The following TMEM184C variants were observed in gnomAD, a reference collection of about 807,000 sequenced individuals.
TMEM184C encodes the protein transmembrane protein 34.
TMEM184C carries 25 observed loss-of-function variants against 54.5 expected under a neutral mutation model. The ratio of observed to expected loss-of-function variants is 0.46; its 90% CI spans 0.33 to 0.64. The LOEUF is 0.64. Ranked by LOEUF, TMEM184C falls within the 30% of genes least tolerant of loss-of-function variation. The probability of loss-of-function intolerance (pLI) is 0.02; values close to 1 mark genes in which losing one functional copy is unlikely to be tolerated. For missense variants in TMEM184C, 335 were observed against 520.3 expected, an observed-to-expected ratio of 0.64 and a Z score of 3.46; for synonymous variants, 148 against 181.5, an observed-to-expected ratio of 0.82 and a Z score of 1.49.
At chr4:147,623,783 CTTTTG>C (rs746580064) in intron 1 of TMEM184C, 46 bp from the exon 2 acceptor site, 48 of 1,588,974 alleles carry the variant, frequency 3.0e-5, no homozygotes, top group Non-Finnish European at 3.8e-5. Context: ...TGGCCAAGCT[CTTTTG>C]TTTTAATATC....
rs924480191 is a variant in TMEM184C at position 147,624,862 on chromosome 4, A to G, written c.350A>G (p.Tyr117Cys). 6.2e-7 allele frequency: 1 copy of G among 1,613,908 alleles called. No individual in the cohort carries two copies. Among genetic ancestry groups the G allele is most frequent in the Non-Finnish European group, 8.5e-7 (1 of 1,179,870 alleles). ...TATGTGGATACCTGCAGAGAATGCT[A>G]TGAAGCTTATGTAATTTACAACTTT... is the stretch of plus-strand genomic sequence containing the variant. ...AIYVDTCREC[Y>C]EAYVIYNFMG... Residue 117 changes from tyrosine (Y) to cysteine (C), a missense_variant, in exon 4 of 10, where the codon TAT becomes TGT. Coordinates refer to ENST00000296582, the MANE Select transcript of TMEM184C (RefSeq NM_018241.3).
chr4:147,633,861 T>C lies in TMEM184C; in HGVS notation c.976T>C (p.Cys326Arg), dbSNP rs138365363. Reference sequence around the variant, plus strand: ...TGTCCAAGAAGCAGAAGAGGGCTCATGCTTTGATTCCTTTCTTGCCATGTG... The same window carrying C: ...TGTCCAAGAAGCAGAAGAGGGCTCACGCTTTGATTCCTTTCTTGCCATGTG... ...PYVQEAEEGS[C>R]FDSFLAMWDV... is the part of the protein sequence containing the mutation. The change falls in exon 9 of 10, where the codon TGC (cysteine) becomes CGC (arginine). Residue 326 changes from cysteine (C) to arginine (R), a missense_variant. By Grantham distance (180) the Cys-to-Arg change is radical. Transcript: ENST00000296582. 1.2e-6 allele frequency: 2 copies of C among 1,614,000 alleles called. No individual in the cohort carries two copies. The highest frequency in any genetic ancestry group is 1.7e-6 in the Non-Finnish European group (2 of 1,179,990).
chr4:147,623,018 C>G (rs1732740420), intron 1 of TMEM184C, among the ~76,000 whole-genome samples: 1 of 152,206 alleles, frequency 6.6e-6, no homozygotes, highest in African/African-American at 2.4e-5. Flanking sequence ...AGCCACCTCA[C>G]TCAGCCCTTT....
chr4:147,625,058 CAG>C, intron 4 of TMEM184C, 49 bp downstream of exon 4: 1 of 1,587,722 alleles, frequency 6.3e-7, no homozygotes, highest in Non-Finnish European at 8.6e-7. Context: ...TTCATTTAAG[CAG>C]AGTTTTTAAG....
intron 1 of TMEM184C, among the ~76,000 whole-genome samples, chr4:147,622,803 C>CCAGGGTGGAGTACGGTGGCACAAAT (rs1212076722): frequency 6.6e-6 from 1 of 152,042 alleles, no homozygotes; most frequent in Non-Finnish European, 1.5e-5. Context: ...ACTCTGTTGC[C>CCAGGGTGGAGTACGGTGGCACAAAT]CAGGGTGGAG....
At chr4:147,625,434 T>C (rs577462185) in intron 4 of TMEM184C, among the ~76,000 whole-genome samples, 2 of 152,218 alleles carry the variant, frequency 1.3e-5, no homozygotes, top group Non-Finnish European at 2.9e-5. Context: ...TCAGCTTGCC[T>C]TATTATATGT....
rs1487467373 is a variant in TMEM184C at position 147,634,455 on chromosome 4, G to C, written c.*21G>C. 6.2e-7 allele frequency: 1 copy of C among 1,609,032 alleles called. No homozygotes were observed. The highest frequency in any genetic ancestry group is 2.2e-5 in the East Asian group (1 of 44,822). On this transcript the variant is annotated 3_prime_UTR_variant, in exon 10 of 10. Transcript: ENST00000296582. ...CCTGAACAGTATGGAAAAGCAAACT[G>C]TGCAACTACTACATTATATCATTAC... is the stretch of plus-strand genomic sequence containing the variant.
rs553174681 is a variant in TMEM184C at position 147,623,729 on chromosome 4, C to T, written c.124-105C>T. The T allele has an allele frequency of 2.3e-5, 25 of 1,088,184 alleles. 1 individual carries two copies. In the South Asian group the frequency reaches 2.3e-4, roughly 10 times the overall value. 67.4% of individuals were successfully genotyped at this position (1,088,184 alleles called of 1,614,324 possible). On this transcript the variant is annotated intron_variant, in intron 1 of 9. Transcript: ENST00000296582. Reference sequence around the variant, plus strand: ...CTGGCCTCAAGCGATCCTCCCACCTCGGCCTCCCCAAGTGCTAGGATTATA... The same window carrying T: ...CTGGCCTCAAGCGATCCTCCCACCTTGGCCTCCCCAAGTGCTAGGATTATA...
chr4:147,623,037 TC>T (rs1253342817), intron 1 of TMEM184C, among the ~76,000 whole-genome samples: 2 of 152,216 alleles, frequency 1.3e-5, no homozygotes, highest in Admixed American at 1.3e-4. Flanking sequence ...TTTCAAGCTT[TC>T]TATACATTTT....
Position 147,633,002 on chromosome 4 carries a change from GGTAAGTA to G in TMEM184C, c.879+3_879+9del. ...TAGAAGCTGTGGCCACCGGACTCCA[GGTAAGTA>G]GTGCCATCTCTGAATTCAATAGAAC... On this transcript the variant is annotated splice_donor_variant and splice_donor_5th_base_variant and intron_variant, in intron 8 of 9. Coordinates refer to ENST00000296582, the MANE Select transcript of TMEM184C (RefSeq NM_018241.3). LOFTEE classifies it high-confidence loss of function. 6.2e-7 allele frequency: 1 copy of G among 1,612,224 alleles called. No individual in the cohort carries two copies. Among genetic ancestry groups the G allele is most frequent in the Non-Finnish European group, 8.5e-7 (1 of 1,178,732 alleles).
rs544887206 is a variant in TMEM184C, at chr4:147,634,591, G to A, written c.*157G>A. 5.7e-5 allele frequency: 44 copies of A among 767,646 alleles called. 1 individual carries two copies. The highest frequency in any genetic ancestry group is 3.9e-4 in the Middle Eastern group (1 of 2,582). The allele number at this position is 767,646 out of a possible 1,614,324, so 47.6% of individuals were successfully genotyped here. A position where few individuals can be genotyped will look rare whatever the true frequency, so the allele number is the denominator to read the frequency against. On this transcript the variant is annotated 3_prime_UTR_variant, in exon 10 of 10. Coordinates refer to ENST00000296582, the MANE Select transcript of TMEM184C (RefSeq NM_018241.3). ...TACTGCATTTATATATGTAAGTTTT[G>A]TATATCAAAAATAATTGGTCTAAAT...
intron 9 of TMEM184C, 55 bp from the exon 10 acceptor site, chr4:147,634,114 G>T (rs150014594): frequency 1.3e-6 from 2 of 1,561,154 alleles, no homozygotes; most frequent in Non-Finnish European, 1.7e-6. Flanking sequence ...TTTTAGAATG[G>T]TAAGTTTATA....
At position 147,623,870 on chromosome 4, in the gene TMEM184C, A is replaced by T; in HGVS notation, c.160A>T (p.Ile54Phe). The change falls in exon 2 of 10, where the codon ATC (isoleucine) becomes TTC (phenylalanine). Residue 54 changes from isoleucine (I) to phenylalanine (F), a missense_variant. By Grantham distance (21) the Ile-to-Phe change is conservative (BLOSUM62 0). Transcript: ENST00000296582. ...CACCAAGGCTTGGTTTATTGCTGGA[A>T]TCTTTTTGCTGTTGACTATTCCTAT... ...IHTKAWFIAG[I>F]FLLLTIPISL... 1 of 1,613,978 alleles carries T rather than the reference A, an allele frequency of 6.2e-7. No individual in the cohort carries two copies. The highest frequency in any genetic ancestry group is 8.5e-7 in the Non-Finnish European group (1 of 1,179,952).
intron 7 of TMEM184C, chr4:147,632,497 T>G (rs1326536276): frequency 1.3e-5 from 2 of 158,974 alleles, no homozygotes; most frequent in Admixed American, 1.3e-4. Flanking sequence ...TTGCTTAGTA[T>G]TCTGTTATGT....
At chr4:147,624,778 T>G (rs1276570723) in intron 3 of TMEM184C, 26 bp from the exon 4 acceptor site, 4 of 1,606,568 alleles carry the variant, frequency 2.5e-6, no homozygotes, top group Non-Finnish European at 2.6e-6. Context: ...GCTGCAACTA[T>G]CTTTAACATC....
chr4:147,633,370 G>A (rs557607720), intron 8 of TMEM184C, among the ~76,000 whole-genome samples: 2 of 150,902 alleles, frequency 1.3e-5, no homozygotes, highest in Admixed American at 1.3e-4. Flanking sequence ...GCCAACGTTG[G>A]GGGATCACTG....
intron 9 of TMEM184C, 77 bp downstream of exon 9, chr4:147,634,013 C>A: frequency 6.5e-7 from 1 of 1,539,168 alleles, no homozygotes; most frequent in South Asian, 1.3e-5. Context: ...AATTTATTAT[C>A]TATTTAGAGA....
At chr4:147,626,196 T>G (rs948845202) in intron 4 of TMEM184C, among the ~76,000 whole-genome samples, 1 of 152,170 alleles carries the variant, frequency 6.6e-6, no homozygotes, top group Non-Finnish European at 1.5e-5. Context: ...TAAACCATAA[T>G]TTCTAATCTT....
intron 1 of TMEM184C, 134 bp downstream of exon 1, chr4:147,618,213 A>G: frequency 7.7e-7 from 1 of 1,293,734 alleles, no homozygotes; most frequent in South Asian, 1.4e-5. Flanking sequence ...CTCTTAGGAT[A>G]TAAACCTGTC....
Sources: allele counts gnomAD v4.1 joint callset (sites outside exome capture counted in the v4.1 genomes callset), GRCh38; gene constraint gnomAD v4.1.1; transcripts MANE v1.5; gene names NCBI Gene and HGNC (gene_info 2026-07-23, HGNC 2026-07-21).